Variants in GPC6 observed in about 807,000 individuals in gnomAD.
The protein encoded by GPC6 is glypican-6.
Under a neutral mutation model 55.2 loss-of-function variants are expected in GPC6, and 14 were observed. The observed-to-expected ratio is 0.25, with a 90% confidence interval of 0.17 to 0.40. The LOEUF is 0.40. Among genes scored for constraint, GPC6 ranks in the 10% least tolerant of loss-of-function variants. The pLI, the probability that GPC6 is intolerant of heterozygous loss-of-function variation, is 1.00. For synonymous variants in GPC6, 278 were observed against 259.6 expected (o/e 1.07, Z -0.68); for missense variants, 641 against 708.5 (o/e 0.90, Z 1.08).
At chr13:94,402,391 G>T (rs568679404) in intron 8 of GPC6, among the ~76,000 whole-genome samples, 24 of 152,194 alleles carry the variant, frequency 1.6e-4, no homozygotes, top group Admixed American at 1.1e-3. Context: ...TGAGTCTGGG[G>T]TTCACACATT....
At chr13:93,708,631 C>G (rs1361733280) in intron 2 of GPC6, among the ~76,000 whole-genome samples, 1 of 151,702 alleles carries the variant, frequency 6.6e-6, no homozygotes, top group Non-Finnish European at 1.5e-5. Flanking sequence ...TTTCTTTTCT[C>G]AAGTTCTATT....
chr13:93,971,029 A>G (rs762753660), intron 3 of GPC6, among the ~76,000 whole-genome samples: 1 of 152,242 alleles, frequency 6.6e-6, no homozygotes, highest in Non-Finnish European at 1.5e-5. Flanking sequence ...TAGATTTCTC[A>G]TAAGGCAACT....
chr13:93,518,965 T>C (rs1455590795), intron 1 of GPC6, among the ~76,000 whole-genome samples: 5 of 152,020 alleles, frequency 3.3e-5, no homozygotes, highest in African/African-American at 1.2e-4. Flanking sequence ...TATTGGAACA[T>C]AGCCACACTA....
At chr13:94,378,369 ATT>A (rs1879997465) in intron 6 of GPC6, among the ~76,000 whole-genome samples, 1 of 152,106 alleles carries the variant, frequency 6.6e-6, no homozygotes, top group African/African-American at 2.4e-5. Context: ...TCTTAGGTGA[ATT>A]TGTCACAGAA....
intron 2 of GPC6, among the ~76,000 whole-genome samples, chr13:93,619,218 G>A (rs1324931797): frequency 6.6e-6 from 1 of 152,124 alleles, no homozygotes; most frequent in African/African-American, 2.4e-5. Flanking sequence ...TACAACTTGT[G>A]CATAGGTAGA....
intron 1 of GPC6, among the ~76,000 whole-genome samples, chr13:93,352,997 AG>A (rs1300771268): frequency 1.3e-5 from 2 of 152,194 alleles, no homozygotes; most frequent in Non-Finnish European, 2.9e-5. Context: ...GTACTGGCAT[AG>A]GTAAGAGTGG....
At chr13:93,915,067 A>G (rs147534330) in intron 3 of GPC6, among the ~76,000 whole-genome samples, 1 of 152,232 alleles carries the variant, frequency 6.6e-6, no homozygotes, top group East Asian at 1.9e-4. Flanking sequence ...CCTCCTGATG[A>G]TGTTGTTAAA....
intron 1 of GPC6, among the ~76,000 whole-genome samples, chr13:93,346,404 G>A (rs1223632259): frequency 6.6e-6 from 1 of 152,128 alleles, no homozygotes; most frequent in African/African-American, 2.4e-5. Flanking sequence ...AGAACACTTC[G>A]GGTGCTCCCA....
At chr13:93,621,644 G>T (rs1878955784) in intron 2 of GPC6, among the ~76,000 whole-genome samples, 1 of 152,130 alleles carries the variant, frequency 6.6e-6, no homozygotes, top group South Asian at 2.1e-4. Flanking sequence ...TAGTAATAGA[G>T]TTAGGGAGAA....
chr13:93,396,842 T>C (rs998297647), intron 1 of GPC6, among the ~76,000 whole-genome samples: 1 of 152,134 alleles, frequency 6.6e-6, no homozygotes, highest in Non-Finnish European at 1.5e-5. Context: ...TTAACTATTA[T>C]TATTATTCCA....
chr13:94,293,205 A>G (rs760418087), intron 5 of GPC6, among the ~76,000 whole-genome samples: 5 of 152,220 alleles, frequency 3.3e-5, no homozygotes, highest in Admixed American at 2.6e-4. Flanking sequence ...CAAGGAATAC[A>G]ATACAGAATG....
chr13:94,194,712 CA>C (rs1566528439), intron 4 of GPC6, among the ~76,000 whole-genome samples: 2 of 152,018 alleles, frequency 1.3e-5, no homozygotes, highest in East Asian at 3.9e-4. Flanking sequence ...AGAACTTAGT[CA>C]TGTAACCAAA....
chr13:94,265,999 G>A (rs991994388), intron 4 of GPC6, among the ~76,000 whole-genome samples: 3 of 152,084 alleles, frequency 2.0e-5, no homozygotes, highest in Non-Finnish European at 4.4e-5. Flanking sequence ...CTCTAAACCA[G>A]GACATGGATG....
chr13:94,115,342 G>A (rs1161821119), intron 4 of GPC6, among the ~76,000 whole-genome samples: 3 of 152,054 alleles, frequency 2.0e-5, no homozygotes, highest in East Asian at 3.9e-4. Flanking sequence ...GAGGCAAGGG[G>A]TTGGTGGGGG....
At chr13:93,706,038 A>C (rs1404948121) in intron 2 of GPC6, among the ~76,000 whole-genome samples, 1 of 151,830 alleles carries the variant, frequency 6.6e-6, no homozygotes, top group Non-Finnish European at 1.5e-5. Context: ...AAAAATGTAG[A>C]ATCTGGTGCT....
upstream of GPC6, among the ~76,000 whole-genome samples, chr13:93,225,154 A>G (rs1450830209): frequency 6.6e-6 from 1 of 152,212 alleles, no homozygotes; most frequent in Non-Finnish European, 1.5e-5. Flanking sequence ...TCCCAGGATA[A>G]GGTGGTAGGA....
At chr13:94,234,604 A>T (rs1359240982) in intron 4 of GPC6, among the ~76,000 whole-genome samples, 2 of 150,304 alleles carry the variant, frequency 1.3e-5, no homozygotes, top group Non-Finnish European at 2.9e-5. Flanking sequence ...CCAGATAGTT[A>T]GATCTCTTTA....
intron 3 of GPC6, among the ~76,000 whole-genome samples, chr13:93,915,751 A>C (rs1594584821): frequency 1.3e-5 from 2 of 152,242 alleles, no homozygotes; most frequent in South Asian, 4.1e-4. Context: ...GTTGAATTGT[A>C]CCCCATGGTG....
chr13:93,441,455 G>A (rs1877798579), intron 1 of GPC6, among the ~76,000 whole-genome samples: 1 of 152,134 alleles, frequency 6.6e-6, no homozygotes, highest in African/African-American at 2.4e-5. Flanking sequence ...GTGATGATGA[G>A]CATTTTTTCA....
Sources: allele counts gnomAD v4.1 joint callset (sites outside exome capture counted in the v4.1 genomes callset), GRCh38; gene constraint gnomAD v4.1.1; transcripts MANE v1.5; gene names NCBI Gene and HGNC (gene_info 2026-07-23, HGNC 2026-07-21).